Variants in ARL2BP observed in about 807,000 individuals in gnomAD.
ARL2BP encodes ARF like GTPase 2 binding protein, also known as ADP-ribosylation factor-like protein 2-binding protein.
ARL2BP carries 19 observed loss-of-function variants against 24.2 expected under a neutral mutation model. The observed-to-expected ratio is 0.79, with a 90% CI of 0.55 to 1.15. ARL2BP has a LOEUF of 1.15. ARL2BP is among the 50% of genes most tolerant of loss of function. The pLI, the probability that ARL2BP is intolerant of heterozygous loss-of-function variation, is 0.00. For synonymous variants in ARL2BP, 56 were observed against 70.5 expected, an observed-to-expected ratio of 0.79 and a Z score of 1.03; for missense variants, 160 against 190.4, an observed-to-expected ratio of 0.84 and a Z score of 0.94.
Position 57,252,320 on chromosome 16 carries a change from G to A in ARL2BP, c.*53G>A. The A allele has an allele frequency of 1.2e-6, 2 of 1,613,812 alleles. No homozygotes were observed. The highest frequency in any genetic ancestry group is 1.7e-6 in the Non-Finnish European group (2 of 1,179,980). On this transcript the variant is annotated 3_prime_UTR_variant, in exon 6 of 6. Transcript: ENST00000219204. ...CATTCTGGATGTCACCAGCCCAATA[G>A]GCTCAGCTCATGATGACAGAACACA...
At chr16:57,247,975 A>T (rs2075395260) in intron 2 of ARL2BP, among the ~76,000 whole-genome samples, 1 of 152,068 alleles carries the variant, frequency 6.6e-6, no homozygotes, top group Non-Finnish European at 1.5e-5. Context: ...TGTGTGCTTA[A>T]ACATTAAAAT....
rs1020707209 is a variant in ARL2BP, at chr16:57,253,540, T to C, written c.*1273T>C. On this transcript the variant is annotated 3_prime_UTR_variant, in exon 6 of 6. Coordinates refer to ENST00000219204, the MANE Select transcript of ARL2BP (RefSeq NM_012106.4). ...GCCATTCTGGTTTTAAAGGACAAGC[T>C]ACAAGCTCTGTGTTTCTGTACTGAT... 2 of 152,188 alleles carry C rather than the reference T, an allele frequency of 1.3e-5. No individual in the cohort carries two copies. The highest frequency in any genetic ancestry group is 2.9e-5 in the Non-Finnish European group (2 of 68,028). The allele number at this position is 152,188 out of a possible 1,614,324, so 9.4% of individuals were successfully genotyped here.
At chr16:57,245,611 G>C (rs2075387822) in intron 1 of ARL2BP, among the ~76,000 whole-genome samples, 1 of 152,150 alleles carries the variant, frequency 6.6e-6, no homozygotes, top group Admixed American at 6.5e-5. Context: ...CAGGACAGGA[G>C]TGCGAGGCGG....
Position 57,253,522 on chromosome 16 carries a change from T to A in ARL2BP, c.*1255T>A, listed in dbSNP as rs1460819347. ...GTACTGACTTTTCACTTGGCCATTCTGGTTTTAAAGGACAAGCTACAAGCT... is the reference window on the plus strand; with the variant it reads ...GTACTGACTTTTCACTTGGCCATTCAGGTTTTAAAGGACAAGCTACAAGCT... On this transcript the variant is annotated 3_prime_UTR_variant, in exon 6 of 6. Coordinates refer to ENST00000219204, the MANE Select transcript of ARL2BP (RefSeq NM_012106.4). 6.6e-6 allele frequency: 1 copy of A among 152,174 alleles called. No homozygotes were observed. The highest frequency in any genetic ancestry group is 2.4e-5 in the African/African-American group (1 of 41,444). 9.4% of individuals were successfully genotyped at this position (152,174 alleles called of 1,614,324 possible).
chr16:57,250,624 T>A (rs1162243004), intron 5 of ARL2BP, 117 bp downstream of exon 5: 2 of 786,480 alleles, frequency 2.5e-6, no homozygotes, highest in Admixed American at 2.1e-5. Context: ...AACTGGCCGA[T>A]GAGGCATCAG....
Position 57,252,263 on chromosome 16 carries a change from A to T in ARL2BP, c.488A>T (p.His163Leu), listed in dbSNP as rs2075410833. The change falls in exon 6 of 6, where the codon CAC (histidine) becomes CTC (leucine). Residue 163 changes from histidine to leucine, a missense_variant. Physicochemically the swap from His to Leu is moderately conservative, Grantham distance 99. Coordinates refer to ENST00000219204, the MANE Select transcript of ARL2BP (RefSeq NM_012106.4). ...CCAGCTTCCCAGAACAATCTGCGGC[A>T]CTAGGTCCTACCTCCAGCCAATGAA... Reference protein sequence around the residue: ...SLPASQNNLRH With the variant: ...SLPASQNNLRL 2 of 1,614,112 alleles carry T rather than the reference A, an allele frequency of 1.2e-6. No individual in the cohort carries two copies. Among genetic ancestry groups the T allele is most frequent in the Non-Finnish European group, 1.7e-6 (2 of 1,180,028 alleles).
At chr16:57,246,616 C>T (rs1164785107) in intron 2 of ARL2BP, among the ~76,000 whole-genome samples, 1 of 152,070 alleles carries the variant, frequency 6.6e-6, no homozygotes, top group Non-Finnish European at 1.5e-5. Context: ...TCCTGGCTAA[C>T]ACGGTGAAAC....
At chr16:57,250,670 T>A in intron 5 of ARL2BP, 163 bp downstream of exon 5, 1 of 618,876 alleles carries the variant, frequency 1.6e-6, no homozygotes, top group Non-Finnish European at 2.8e-6. Context: ...GCTGGGACCT[T>A]CTCATGTTTT....
chr16:57,245,620 G>T (rs1167812842), intron 1 of ARL2BP, among the ~76,000 whole-genome samples: 1 of 152,092 alleles, frequency 6.6e-6, no homozygotes, highest in Non-Finnish European at 1.5e-5. Context: ...AGTGCGAGGC[G>T]GGTGTCACCG....
In ARL2BP at chr16:57,245,272, C is replaced by A. The variant is rs966305890; in HGVS notation, c.-96C>A. On this transcript the variant is annotated 5_prime_UTR_variant, in exon 1 of 6. Coordinates refer to ENST00000219204, the MANE Select transcript of ARL2BP (RefSeq NM_012106.4). ...ACCCGACCTGGCAGTGAGCTGGCCG[C>A]GGCCTTGGCTGAGAGGCCTTAACCC... The A allele has an allele frequency of 6.9e-7, 1 of 1,456,478 alleles. No individual in the cohort carries two copies. Among genetic ancestry groups the A allele is most frequent in the East Asian group, 2.5e-5 (1 of 40,798 alleles). 90.2% of individuals were successfully genotyped at this position (1,456,478 alleles called of 1,614,324 possible).
chr16:57,245,930 C>A, intron 1 of ARL2BP, 150 bp from the exon 2 acceptor site: 1 of 720,208 alleles, frequency 1.4e-6, no homozygotes, highest in Non-Finnish European at 2.4e-6. Context: ...CTTACTAGAT[C>A]AGTCAGTCAT....
In ARL2BP at chr16:57,248,544, G is replaced by A. The variant is rs1460135505; in HGVS notation, c.108G>A (p.Glu36=). 17 of 1,595,958 alleles carry A rather than the reference G, an allele frequency of 1.1e-5. No individual in the cohort carries two copies. Among genetic ancestry groups the A allele is most frequent in the Non-Finnish European group, 1.4e-5 (17 of 1,172,758 alleles). Residue 36 remains glutamate, a synonymous_variant, in exon 3 of 6, where the codon GAG becomes GAA. Coordinates refer to ENST00000219204, the MANE Select transcript of ARL2BP (RefSeq NM_012106.4). ...TTCCCCACTGTGGTTCAGATGACGA[G>A]TTCCAGTTATTACAGAGAAATTTCA... ...GYLEDIIMDD[E]FQLLQRNFMD...
rs1269391641 is a variant in ARL2BP at position 57,253,162 on chromosome 16, C to T, written c.*895C>T. On this transcript the variant is annotated 3_prime_UTR_variant, in exon 6 of 6. Coordinates refer to ENST00000219204, the MANE Select transcript of ARL2BP (RefSeq NM_012106.4). ...GCTGTGTGCTAGAAATAGACTAAAA[C>T]ATATTCCTATAGCATGTTAGTGTGT... 3 of 152,602 alleles carry T rather than the reference C, an allele frequency of 2.0e-5. No individual in the cohort carries two copies. The highest frequency in any genetic ancestry group is 2.9e-5 in the Non-Finnish European group (2 of 68,048). The allele number at this position is 152,602 out of a possible 1,614,324, so 9.5% of individuals were successfully genotyped here. A position where few individuals can be genotyped will look rare whatever the true frequency, so the allele number is the denominator to read the frequency against.
At chr16:57,247,194 A>G (rs1385362774) in intron 2 of ARL2BP, among the ~76,000 whole-genome samples, 1 of 152,188 alleles carries the variant, frequency 6.6e-6, no homozygotes, top group East Asian at 1.9e-4. Flanking sequence ...TAGATGTTTC[A>G]TCATTAAGCT....
chr16:57,252,046 C>A, intron 5 of ARL2BP, 120 bp from the exon 6 acceptor site: 2 of 738,660 alleles, frequency 2.7e-6, no homozygotes, highest in South Asian at 1.8e-5. Flanking sequence ...AACCTGTGTT[C>A]CCTTCCTATG....
intron 3 of ARL2BP, chr16:57,249,541 AC>A (rs2146429511): frequency 1.8e-6 from 1 of 546,628 alleles, no homozygotes; most frequent in East Asian, 3.2e-5. Context: ...CAGAGCATCC[AC>A]CCTGTTACAG....
At chr16:57,248,687 A>T (rs1399834354) in intron 3 of ARL2BP, 44 bp downstream of exon 3, 3 of 1,211,840 alleles carry the variant, frequency 2.5e-6, no homozygotes, top group Non-Finnish European at 2.3e-6. Context: ...CAGAGTTTTT[A>T]AAAATTTAAA....
At chr16:57,245,924 C>G in intron 1 of ARL2BP, 156 bp from the exon 2 acceptor site, 1 of 705,988 alleles carries the variant, frequency 1.4e-6, no homozygotes, top group Non-Finnish European at 2.5e-6. Context: ...TTTGGACTTA[C>G]TAGATCAGTC....
rs1368487155 is a variant in ARL2BP, at chr16:57,252,319, A to G, written c.*52A>G. 6.2e-7 allele frequency: 1 copy of G among 1,613,914 alleles called. No homozygotes were observed. The highest frequency in any genetic ancestry group is 1.7e-5 in the Admixed American group (1 of 60,018). On this transcript the variant is annotated 3_prime_UTR_variant, in exon 6 of 6. Coordinates refer to ENST00000219204, the MANE Select transcript of ARL2BP (RefSeq NM_012106.4). Reference sequence around the variant, plus strand: ...TCATTCTGGATGTCACCAGCCCAATAGGCTCAGCTCATGATGACAGAACAC... The same window carrying G: ...TCATTCTGGATGTCACCAGCCCAATGGGCTCAGCTCATGATGACAGAACAC...
Sources: allele counts gnomAD v4.1 joint callset (sites outside exome capture counted in the v4.1 genomes callset), GRCh38; gene constraint gnomAD v4.1.1; transcripts MANE v1.5; gene names NCBI Gene and HGNC (gene_info 2026-07-23, HGNC 2026-07-21).